Variants in STIM2 observed in about 807,000 individuals in gnomAD.
STIM2 encodes stromal interaction molecule 2.
STIM2 carries 31 observed loss-of-function variants against 85.8 expected under a neutral mutation model. That is an observed-to-expected ratio of 0.36 (90% CI 0.27 to 0.49). The LOEUF (loss-of-function observed/expected upper bound fraction) is 0.49. STIM2 is among the 20% of genes least tolerant of loss of function. The probability of loss-of-function intolerance (pLI) is 0.98; values close to 1 mark genes in which losing one functional copy is unlikely to be tolerated. For synonymous variants in STIM2, 356 were observed against 331.1 expected, an observed-to-expected ratio of 1.08 and a Z score of -0.82; for missense variants, 841 against 927.6, an observed-to-expected ratio of 0.91 and a Z score of 1.21.
intron 2 of STIM2, among the ~76,000 whole-genome samples, chr4:26,948,390 T>C (rs1195446494): frequency 6.6e-6 from 1 of 152,212 alleles, no homozygotes; most frequent in Non-Finnish European, 1.5e-5. Flanking sequence ...GCTTCCTCAA[T>C]TCAAACATGC....
intron 1 of STIM2, among the ~76,000 whole-genome samples, chr4:26,891,318 G>T (rs902958730): frequency 2.6e-5 from 4 of 152,148 alleles, no homozygotes; most frequent in Admixed American, 2.6e-4. Context: ...TGAAAAAGAA[G>T]TATTTCTGCC....
intron 1 of STIM2, among the ~76,000 whole-genome samples, chr4:26,915,998 A>T (rs1724564988): frequency 6.6e-6 from 1 of 152,236 alleles, no homozygotes; most frequent in Non-Finnish European, 1.5e-5. Flanking sequence ...AAGTGTCTAT[A>T]AAATATAAGC....
At chr4:26,935,989 T>C (rs146813365) in intron 2 of STIM2, among the ~76,000 whole-genome samples, 2 of 152,314 alleles carry the variant, frequency 1.3e-5, no homozygotes, top group East Asian at 3.9e-4. Context: ...AAAATTTCTT[T>C]GTATGTTTTA....
intron 2 of STIM2, among the ~76,000 whole-genome samples, chr4:26,953,743 C>G (rs761826972): frequency 2.0e-5 from 3 of 152,048 alleles, no homozygotes; most frequent in Non-Finnish European, 4.4e-5. Flanking sequence ...ATTATTTTCT[C>G]TTTCTGCATA....
At chr4:26,934,985 T>C (rs891611227) in intron 2 of STIM2, among the ~76,000 whole-genome samples, 4 of 147,984 alleles carry the variant, frequency 2.7e-5, no homozygotes, top group African/African-American at 1.0e-4. Context: ...AAGCAGAGAA[T>C]GAGTGAGGCA....
intron 2 of STIM2, among the ~76,000 whole-genome samples, chr4:26,939,763 G>T (rs187103618): frequency 8.9e-4 from 135 of 152,152 alleles, no homozygotes; most frequent in Admixed American, 1.8e-3. Flanking sequence ...GGGCATTGTT[G>T]ACCACTTGGT....
At chr4:26,927,708 CTTGAATA>C (rs1338605949) in intron 2 of STIM2, among the ~76,000 whole-genome samples, 4,230 of 38,510 alleles carry the variant, frequency 0.11, 223 homozygotes, top group African/African-American at 0.25. Context: ...AAAAAAAAAA[CTTGAATA>C]AAAAAAAAAA....
At chr4:27,000,945 C>T (rs1728130275) in intron 5 of STIM2, among the ~76,000 whole-genome samples, 1 of 152,068 alleles carries the variant, frequency 6.6e-6, no homozygotes, top group Non-Finnish European at 1.5e-5. Flanking sequence ...TTGAACATCT[C>T]AGTGTGAGGC....
At chr4:26,991,251 TA>T (rs1179944483) in intron 3 of STIM2, among the ~76,000 whole-genome samples, 4 of 152,082 alleles carry the variant, frequency 2.6e-5, no homozygotes, top group South Asian at 2.1e-4. Flanking sequence ...TATTCAGCCA[TA>T]AAAAAGAATA....
chr4:26,958,390 T>C (rs1237373925), intron 3 of STIM2, among the ~76,000 whole-genome samples: 3 of 152,196 alleles, frequency 2.0e-5, no homozygotes, highest in Non-Finnish European at 4.4e-5. Context: ...GCTTCTGTTC[T>C]TTCATAAAAG....
At chr4:26,993,079 AATCTT>A (rs1274301352) in intron 3 of STIM2, among the ~76,000 whole-genome samples, 1 of 152,006 alleles carries the variant, frequency 6.6e-6, no homozygotes, top group African/African-American at 2.4e-5. Context: ...TCATAGAGAG[AATCTT>A]ATCTTGTTTT....
intron 10 of STIM2, among the ~76,000 whole-genome samples, chr4:27,016,898 A>T (rs1728749363): frequency 6.6e-6 from 1 of 152,224 alleles, no homozygotes; most frequent in Non-Finnish European, 1.5e-5. Context: ...GCAGGAATGC[A>T]TTTGTATAAA....
At chr4:26,874,121 C>G in intron 1 of STIM2, 1 of 551,050 alleles carries the variant, frequency 1.8e-6, no homozygotes, top group African/African-American at 1.9e-5. Context: ...GCTGCCCTGG[C>G]TCTGGGGTTT....
At chr4:27,011,905 T>A (rs893581418) in intron 10 of STIM2, among the ~76,000 whole-genome samples, 2 of 152,186 alleles carry the variant, frequency 1.3e-5, no homozygotes, top group African/African-American at 4.8e-5. Flanking sequence ...TTGTGTTTTT[T>A]ATGTCTTTTT....
intron 3 of STIM2, among the ~76,000 whole-genome samples, chr4:26,961,895 G>T (rs1474692035): frequency 1.3e-5 from 2 of 152,110 alleles, no homozygotes; most frequent in African/African-American, 4.8e-5. Context: ...GAGGCTACGG[G>T]CGTATACCAC....
chr4:26,895,531 A>G (rs1331470738), intron 1 of STIM2, among the ~76,000 whole-genome samples: 1 of 152,192 alleles, frequency 6.6e-6, no homozygotes, highest in Non-Finnish European at 1.5e-5. Context: ...TAGTATGGCT[A>G]GAGAAAGGCA....
intron 1 of STIM2, among the ~76,000 whole-genome samples, chr4:26,884,344 A>G (rs565380506): frequency 6.6e-6 from 1 of 152,332 alleles, no homozygotes; most frequent in Admixed American, 6.5e-5. Context: ...GTATAGGAAA[A>G]TGTTTAGTAC....
At chr4:26,968,166 G>A (rs1226160532) in intron 3 of STIM2, among the ~76,000 whole-genome samples, 1 of 151,908 alleles carries the variant, frequency 6.6e-6, no homozygotes, top group Non-Finnish European at 1.5e-5. Context: ...CTGAGACCCT[G>A]TATCCAAAAA....
Position 26,863,919 on chromosome 4 carries a change from A to G in STIM2, c.151+2550A>G, listed in dbSNP as rs542987025. Among the ~76,000 whole-genome samples, 26 of 152,232 alleles carry G rather than the reference A, an allele frequency of 1.7e-4. No homozygotes were observed. The South Asian group carries it at 5.2e-3, about 30-fold the overall frequency. ...GGCATTTTTAATACTTACCTTTAGA[A>G]GCTCCCTAAGAGTTAGCCTTTGACT... On this transcript the variant is annotated intron_variant, in intron 1 of 11. Transcript: ENST00000467087.
Sources: allele counts gnomAD v4.1 joint callset (sites outside exome capture counted in the v4.1 genomes callset), GRCh38; gene constraint gnomAD v4.1.1; transcripts MANE v1.5; gene names NCBI Gene and HGNC (gene_info 2026-07-23, HGNC 2026-07-21).